The following EIF2AK3 variants were observed in gnomAD, a reference collection of about 807,000 sequenced individuals.
EIF2AK3 encodes the protein eukaryotic translation initiation factor 2 alpha kinase 3.
In EIF2AK3, 50 loss-of-function variants were observed where a neutral mutation model predicts 113.5. The ratio of observed to expected loss-of-function variants is 0.44; its 90% CI spans 0.35 to 0.56. The LOEUF (loss-of-function observed/expected upper bound fraction) is 0.56. Ranked by LOEUF, EIF2AK3 falls within the 20% of genes least tolerant of loss-of-function variation. The pLI is 0.00. For missense variants in EIF2AK3, 1,185 were observed against 1,378.0 expected (o/e 0.86, Z 2.22); for synonymous variants, 448 against 495.4 (o/e 0.90, Z 1.27).
At chr2:88,579,696 A>C in intron 10 of EIF2AK3, 56 bp from the exon 11 acceptor site, 1 of 1,548,042 alleles carries the variant, frequency 6.5e-7, no homozygotes. Flanking sequence ...TTTTGTGGTA[A>C]TGTGAAAATC....
Position 88,613,768 on chromosome 2 carries a change from C to A in EIF2AK3, c.394G>T (p.Val132Leu). The part of the protein sequence containing the change: ...NHGKKQWDLD[V>L]GSGSLVSSSL... ...GATGACACCAAGGAACCGGATCCCACATCCAAATCCCACTGCTTTTTACCA... is the reference window on the plus strand; with the variant it reads ...GATGACACCAAGGAACCGGATCCCAAATCCAAATCCCACTGCTTTTTACCA... The change falls in exon 2 of 17, where the codon GTG (valine) becomes TTG (leucine). Residue 132 changes from valine to leucine, a missense_variant. Coordinates refer to ENST00000303236, the MANE Select transcript of EIF2AK3 (RefSeq NM_004836.7). 6.2e-7 allele frequency: 1 copy of A among 1,614,124 alleles called. No homozygotes were observed. The highest frequency in any genetic ancestry group is 8.5e-7 in the Non-Finnish European group (1 of 1,179,954).
chr2:88,577,253 G>C (rs942745614), intron 11 of EIF2AK3, among the ~76,000 whole-genome samples: 3 of 152,026 alleles, frequency 2.0e-5, no homozygotes, highest in African/African-American at 7.2e-5. Flanking sequence ...AAAGTGCTGG[G>C]ATTACAAGTG....
intron 1 of EIF2AK3, among the ~76,000 whole-genome samples, chr2:88,615,523 T>C (rs1222696430): frequency 6.6e-6 from 1 of 152,206 alleles, no homozygotes; most frequent in Non-Finnish European, 1.5e-5. Flanking sequence ...TTCCACCATG[T>C]AGGAGTGCTT....
At chr2:88,607,838 A>C (rs1193827217) in intron 2 of EIF2AK3, among the ~76,000 whole-genome samples, 1 of 152,192 alleles carries the variant, frequency 6.6e-6, no homozygotes, top group African/African-American at 2.4e-5. Flanking sequence ...TCTCCAGATA[A>C]TTTACTTGGG....
intron 2 of EIF2AK3, among the ~76,000 whole-genome samples, chr2:88,601,373 C>T (rs769549558): frequency 2.0e-4 from 31 of 152,334 alleles, no homozygotes; most frequent in Non-Finnish European, 4.0e-4. Context: ...AAGAAGCCTT[C>T]GTATCTGGTG....
intron 10 of EIF2AK3, 146 bp downstream of exon 10, chr2:88,583,284 A>C: frequency 1.6e-6 from 1 of 641,534 alleles, no homozygotes; most frequent in Non-Finnish European, 2.7e-6. Flanking sequence ...CTTTTAATAC[A>C]TTTAAGTTAC....
chr2:88,627,182 C>A lies in EIF2AK3; in HGVS notation c.93G>T (p.Gly31=). 1 of 1,446,196 alleles carries A rather than the reference C, an allele frequency of 6.9e-7. No homozygotes were observed. Among genetic ancestry groups the A allele is most frequent in the Non-Finnish European group, 9.1e-7 (1 of 1,104,400 alleles). The allele number at this position is 1,446,196 out of a possible 1,614,324, so 89.6% of individuals were successfully genotyped here. Reference sequence around the variant, plus strand: ...TCGGCGCTGGGAGGCCACGGGCGCGCCCCGCGGCCACCGTCCTTGCCGCGA... The same window carrying A: ...TCGGCGCTGGGAGGCCACGGGCGCGACCCGCGGCCACCGTCCTTGCCGCGA... ...LGLAARTVAA[G]RARGLPAPTA... The change falls in exon 1 of 17, where the codon GGG becomes GGT. Residue 31 remains glycine, a synonymous_variant. Transcript: ENST00000303236.
At chr2:88,563,492 G>A (rs1674019804) in intron 14 of EIF2AK3, among the ~76,000 whole-genome samples, 1 of 152,048 alleles carries the variant, frequency 6.6e-6, no homozygotes, top group Non-Finnish European at 1.5e-5. Context: ...GAACTGAAAA[G>A]GACACCCTCA....
intron 1 of EIF2AK3, among the ~76,000 whole-genome samples, chr2:88,623,258 C>T (rs1675776189): frequency 6.6e-6 from 1 of 152,134 alleles, no homozygotes. Context: ...AGACTTTCTT[C>T]CCAACTTTCT....
In EIF2AK3 at chr2:88,588,012, C is replaced by T. The variant is rs1461603249; in HGVS notation, c.1399G>A (p.Gly467Ser). ...DKFSHEEYSN[G>S]ALSILQYPYD... The stretch of plus-strand genomic sequence containing the variant: ...GGATACTGCAAGATTGAAAGTGCAC[C>T]ATTACTATATTCTTCATGAGAAAAC... Residue 467 changes from glycine (G) to serine (S), a missense_variant, in exon 8 of 17, where the codon GGT becomes AGT. Gly to Ser is a moderately conservative substitution (Grantham distance 56). Around this residue, in one of 3 missense-constraint regions of EIF2AK3, gnomAD observed 877 missense variants for 1,024.2 expected, o/e 0.86. Transcript: ENST00000303236. 3.2e-6 allele frequency: 5 copies of T among 1,586,466 alleles called. No homozygotes were observed. Among genetic ancestry groups the T allele is most frequent in the Non-Finnish European group, 4.3e-6 (5 of 1,161,478 alleles).
At chr2:88,620,976 A>C (rs1234070747) in intron 1 of EIF2AK3, among the ~76,000 whole-genome samples, 1 of 152,246 alleles carries the variant, frequency 6.6e-6, no homozygotes, top group East Asian at 1.9e-4. Flanking sequence ...AATCACCACC[A>C]AAAAGGCTGA....
chr2:88,599,898 C>A (rs1440396189), intron 2 of EIF2AK3, among the ~76,000 whole-genome samples: 1 of 152,276 alleles, frequency 6.6e-6, no homozygotes, highest in Non-Finnish European at 1.5e-5. Context: ...ACCAGCCAAT[C>A]AACCAACAGA....
chr2:88,573,642 A>G (rs1418536284), intron 13 of EIF2AK3, among the ~76,000 whole-genome samples: 1 of 152,202 alleles, frequency 6.6e-6, no homozygotes, highest in Admixed American at 6.5e-5. Flanking sequence ...AATGATTTAT[A>G]TGACTAAATA....
At chr2:88,569,025 G>A (rs1405948604) in intron 14 of EIF2AK3, among the ~76,000 whole-genome samples, 1 of 152,034 alleles carries the variant, frequency 6.6e-6, no homozygotes, top group Non-Finnish European at 1.5e-5. Context: ...TGGGTAGCTG[G>A]GACTACAGGC....
intron 1 of EIF2AK3, among the ~76,000 whole-genome samples, chr2:88,617,887 G>C (rs187707055): frequency 6.6e-6 from 1 of 152,160 alleles, no homozygotes; most frequent in Admixed American, 6.5e-5. Context: ...ATGGCATTTA[G>C]AACAAACACA....
intron 4 of EIF2AK3, among the ~76,000 whole-genome samples, chr2:88,592,824 C>G (rs1674920793): frequency 6.6e-6 from 1 of 151,834 alleles, no homozygotes; most frequent in South Asian, 2.1e-4. Context: ...TATGAGAACC[C>G]CTGTGGTTAT....
Position 88,576,571 on chromosome 2 carries a change from A to G in EIF2AK3, c.2019T>C (p.Ile673=), listed in dbSNP as rs1674463972. The part of the protein sequence containing the change: ...PEKWQEKMDE[I]WLKDESTDWP... ...TTAGTTACCTTTCATCTTTCAGCCA[A>G]ATTTCATCCATCTTTTCTTGCCACT... The change falls in exon 12 of 17, where the codon ATT becomes ATC. Residue 673 remains isoleucine, a synonymous_variant. Coordinates refer to ENST00000303236, the MANE Select transcript of EIF2AK3 (RefSeq NM_004836.7). 1 of 1,614,102 alleles carries G rather than the reference A, an allele frequency of 6.2e-7. No individual in the cohort carries two copies.
intron 11 of EIF2AK3, 82 bp from the exon 12 acceptor site, chr2:88,576,785 TAAA>T: frequency 7.0e-7 from 1 of 1,436,920 alleles, no homozygotes; most frequent in Non-Finnish European, 9.6e-7. Flanking sequence ...CTTATACCCC[TAAA>T]ATATGTAGAT....
At chr2:88,595,206 CAAAAAA>C (rs11339424) in intron 3 of EIF2AK3, among the ~76,000 whole-genome samples, 1 of 59,454 alleles carries the variant, frequency 1.7e-5, no homozygotes, top group Non-Finnish European at 3.0e-5. Flanking sequence ...GACTCTGTCT[CAAAAAA>C]AAAAAAAAAA....
Sources: allele counts gnomAD v4.1 joint callset (sites outside exome capture counted in the v4.1 genomes callset), GRCh38; gene constraint gnomAD v4.1.1; regional missense constraint gnomAD v4.1.1; transcripts MANE v1.5; gene names NCBI Gene and HGNC (gene_info 2026-07-23, HGNC 2026-07-21).